ARID3C: variants seen among roughly 807,000 people sequenced by gnomAD.
ARID3C encodes AT-rich interactive domain-containing protein 3C.
ARID3C carries 42 observed loss-of-function variants against 37.9 expected under a neutral mutation model. The ratio of observed to expected loss-of-function variants is 1.11; its 90% CI spans 0.87 to 1.43. The LOEUF (loss-of-function observed/expected upper bound fraction) is 1.43. Among genes scored for constraint, ARID3C ranks in the 40% most tolerant of loss-of-function variants. The probability of loss-of-function intolerance (pLI) is 0.00; values close to 1 mark genes in which losing one functional copy is unlikely to be tolerated. For missense variants in ARID3C, 581 were observed against 548.8 expected, an observed-to-expected ratio of 1.06 and a Z score of -0.59; for synonymous variants, 213 against 228.0, an observed-to-expected ratio of 0.93 and a Z score of 0.59.
At chr9:34,628,209 T>C, upstream of ARID3C, 1 of 672,572 alleles carries the variant, frequency 1.5e-6, no homozygotes, top group Non-Finnish European at 2.3e-6. This position sits in a 1 kb window ranked among gnomAD's most constrained non-coding sequence, Gnocchi z 5.2. Context: ...AAAGATGGCT[T>C]TCCCAGAGGT....
rs1419941827 is a variant in ARID3C at position 34,623,760 on chromosome 9, G to A, written c.576-46C>T. On this transcript the variant is annotated intron_variant, in intron 3 of 6. Transcript: ENST00000378909. ...GTGAGTGTATGGGAGGCTGCACCCA[G>A]CTGGTCAAGTCCCACAGCCGGACGC... 2.0e-6 allele frequency: 3 copies of A among 1,502,624 alleles called. No homozygotes were observed. The African/African-American group carries it at 4.1e-5, about 21-fold the overall frequency. 93.1% of individuals were successfully genotyped at this position (1,502,624 alleles called of 1,614,324 possible).
In ARID3C at chr9:34,627,935, G is replaced by C; in HGVS notation, c.80C>G (p.Pro27Arg). The change falls in exon 1 of 7, where the codon CCA becomes CGA. Residue 27 changes from proline to arginine, a missense_variant. Physicochemically the swap from Pro to Arg is moderately radical, Grantham distance 103. Transcript: ENST00000378909. ...GTGGTCAGGCAGGGGAGGCTGCGGT[G>C]GCAGCAGCGGGCATGCAGGGGCCAA... 2 of 1,553,036 alleles carry C rather than the reference G, an allele frequency of 1.3e-6. No individual in the cohort carries two copies. Among genetic ancestry groups the C allele is most frequent in the Non-Finnish European group, 8.7e-7 (1 of 1,147,778 alleles).
intron 5 of ARID3C, 50 bp downstream of exon 6, chr9:34,622,297 C>A: frequency 6.4e-7 from 1 of 1,573,018 alleles, no homozygotes; most frequent in South Asian, 1.2e-5. Flanking sequence ...TGGGTCAATC[C>A]TCCCTCAGTG....
chr9:34,623,955 C>T, exon 3 of ARID3C: 1 of 1,605,916 alleles, frequency 6.2e-7, no homozygotes, highest in Non-Finnish European at 8.5e-7. Context: ...TTGATGACTT[C>T]CACCAGGCCG....
chr9:34,626,006 A>C (rs1313238760), intron 1 of ARID3C, among the ~76,000 whole-genome samples, 192 bp from the exon 3 acceptor site: 1 of 152,176 alleles, frequency 6.6e-6, no homozygotes, highest in Non-Finnish European at 1.5e-5. Context: ...TAGTACATAC[A>C]GAGACTGGTA....
exon 6 of ARID3C, chr9:34,622,093 C>T: frequency 6.2e-7 from 1 of 1,614,076 alleles, no homozygotes; most frequent in Non-Finnish European, 8.5e-7. Flanking sequence ...GATTAAGAGG[C>T]CCATCCAGCC....
chr9:34,630,543 C>T (rs371195049), upstream of ARID3C, among the ~76,000 whole-genome samples: 12 of 152,272 alleles, frequency 7.9e-5, no homozygotes, highest in Admixed American at 6.5e-4. Context: ...GGAATCCAAA[C>T]ACGACCTTTG....
At chr9:34,627,956 G>T (rs754501160) in exon 1 of ARID3C, 2 of 1,546,668 alleles carry the variant, frequency 1.3e-6, no homozygotes, top group Non-Finnish European at 8.7e-7. Flanking sequence ...GCATGCAGGG[G>T]CCAATGGCCC....
chr9:34,622,514 G>A (rs1441815961), exon 5 of ARID3C: 1 of 1,606,692 alleles, frequency 6.2e-7, no homozygotes, highest in African/African-American at 1.3e-5. Context: ...ACAAGGGTTT[G>A]GAATTCCACT....
upstream of ARID3C, among the ~76,000 whole-genome samples, chr9:34,630,119 C>G (rs1820710200): frequency 6.6e-6 from 1 of 152,144 alleles, no homozygotes; most frequent in African/African-American, 2.4e-5. Flanking sequence ...ACCTCTGGTA[C>G]TCATCATAGG....
chr9:34,626,073 G>A lies in ARID3C; in HGVS notation c.319-259C>T, dbSNP rs146741750. 6.4e-3 allele frequency among the ~76,000 whole-genome samples: 973 copies of A among 152,336 alleles called. 11 individuals are homozygous for A. Among genetic ancestry groups the A allele is most frequent in the African/African-American group, 0.021 (885 of 41,566 alleles). On this transcript the variant is annotated intron_variant, in intron 1 of 6. Coordinates refer to ENST00000378909, the Ensembl canonical transcript of ARID3C. ...CCCATCTGGGGAGTAAGGGAAGAGAGGAACAGGATGGAGCTTGGAGGCTCA... is the reference window on the plus strand; with the variant it reads ...CCCATCTGGGGAGTAAGGGAAGAGAAGAACAGGATGGAGCTTGGAGGCTCA...
At chr9:34,627,605 TG>T in intron 1 of ARID3C, 91 bp downstream of exon 2, 1 of 1,108,702 alleles carries the variant, frequency 9.0e-7, no homozygotes, top group South Asian at 1.6e-5. Context: ...CAGAGGGTGG[TG>T]GGGGTGGGTG....
chr9:34,627,896 G>A, exon 1 of ARID3C: 1 of 1,564,074 alleles, frequency 6.4e-7, no homozygotes, highest in Non-Finnish European at 8.7e-7. Context: ...CCCCTCAGGG[G>A]CCTGTAGGGT....
At chr9:34,623,505 C>A (rs1397245515) in exon 4 of ARID3C, 3 of 1,558,898 alleles carry the variant, frequency 1.9e-6, no homozygotes, top group Admixed American at 4.0e-5. Flanking sequence ...TGGGCCAGGG[C>A]TGGACTGGGT....
rs184628839 is a variant in ARID3C at position 34,622,045 on chromosome 9, T to C, written c.1113A>G (p.Leu371=). 152 of 1,614,094 alleles carry C rather than the reference T, an allele frequency of 9.4e-5. No homozygotes were observed. In the East Asian group the frequency reaches 3.0e-3, roughly 31 times the overall value. Reference sequence around the variant, plus strand: ...CAGTGTAGACCACCCCGTTGATCTCTAGGGCCATGTTGATACTGCTGATGC... The same window carrying C: ...CAGTGTAGACCACCCCGTTGATCTCCAGGGCCATGTTGATACTGCTGATGC... Residue 371 remains leucine (L), a synonymous_variant, in exon 6 of 7, where the codon CTA becomes CTG. Transcript: ENST00000378909.
intron 3 of ARID3C, 73 bp downstream of exon 4, chr9:34,623,791 C>A: frequency 2.0e-6 from 3 of 1,503,722 alleles, no homozygotes; most frequent in African/African-American, 1.4e-5. Context: ...GACGCCCGCC[C>A]GGGGACCCTC....
At chr9:34,630,786 C>T (rs1358919439), upstream of ARID3C, among the ~76,000 whole-genome samples, 1 of 152,190 alleles carries the variant, frequency 6.6e-6, no homozygotes, top group Non-Finnish European at 1.5e-5. Flanking sequence ...CGCTGAGGCT[C>T]ACCCCATTCA....
intron 1 of ARID3C, among the ~76,000 whole-genome samples, chr9:34,626,024 T>C (rs1281169306): frequency 1.3e-5 from 2 of 152,112 alleles, no homozygotes; most frequent in Non-Finnish European, 2.9e-5. Flanking sequence ...GTACTGGTAG[T>C]GGTACCCTGG....
intron 2 of ARID3C, among the ~76,000 whole-genome samples, chr9:34,625,192 G>C (rs1820638618): frequency 6.6e-6 from 1 of 152,130 alleles, no homozygotes; most frequent in Admixed American, 6.5e-5. Flanking sequence ...CTGGGAAAAA[G>C]CTGAAGTGAT....
Sources: allele counts gnomAD v4.1 joint callset (sites outside exome capture counted in the v4.1 genomes callset), GRCh38; gene constraint gnomAD v4.1.1; non-coding constraint Gnocchi (gnomAD v3.1); transcripts MANE v1.5; gene names NCBI Gene and HGNC (gene_info 2026-07-23, HGNC 2026-07-21).